The following TWSG1 variants were observed in gnomAD, a reference collection of about 807,000 sequenced individuals.
The protein encoded by TWSG1 is twisted gastrulation protein homolog 1.
Under a neutral mutation model 23.0 loss-of-function variants are expected in TWSG1, and 15 were observed. The observed-to-expected ratio is 0.65, with a 90% CI of 0.44 to 1.00. The LOEUF is 1.00. TWSG1 is among the 50% of genes least tolerant of loss of function. The pLI is 0.00. For missense variants in TWSG1, 242 were observed against 278.7 expected (o/e 0.87, Z 0.94); for synonymous variants, 86 against 92.8 (o/e 0.93, Z 0.42).
intron 3 of TWSG1, among the ~76,000 whole-genome samples, chr18:9,365,405 T>G (rs529235533): frequency 1.3e-5 from 2 of 152,324 alleles, no homozygotes. Context: ...CTGAGCGCAG[T>G]TGCTCGTGCC....
chr18:9,384,592 T>C (rs1180287850), intron 3 of TWSG1, among the ~76,000 whole-genome samples: 1 of 151,726 alleles, frequency 6.6e-6, no homozygotes, highest in East Asian at 1.9e-4. Context: ...ACAATTGTAA[T>C]TTGAGTCTGC....
intron 3 of TWSG1, among the ~76,000 whole-genome samples, chr18:9,367,567 C>A (rs2040585796): frequency 6.6e-6 from 1 of 152,174 alleles, no homozygotes; most frequent in South Asian, 2.1e-4. Context: ...AGGAACCGGG[C>A]CACATAGAAG....
In TWSG1 at chr18:9,402,349, CAT is replaced by C. The variant is rs879332464; in HGVS notation, c.*2826_*2827del. The stretch of plus-strand genomic sequence containing the variant: ...TTATTGTATTTTATATGATCTACAA[CAT>C]ATAAAATTGTGTATTTTTCTTTGGT... On this transcript the variant is annotated 3_prime_UTR_variant, in exon 5 of 5. Coordinates refer to ENST00000262120, the MANE Select transcript of TWSG1 (RefSeq NM_020648.6). 6.6e-6 allele frequency: 1 copy of C among 152,022 alleles called. No individual in the cohort carries two copies. The highest frequency in any genetic ancestry group is 1.5e-5 in the Non-Finnish European group (1 of 67,998). 9.4% of individuals were successfully genotyped at this position (152,022 alleles called of 1,614,324 possible). A position where few individuals can be genotyped will look rare whatever the true frequency, so the allele number is the denominator to read the frequency against.
At chr18:9,351,249 A>C (rs139016959) in intron 2 of TWSG1, among the ~76,000 whole-genome samples, 4 of 152,190 alleles carry the variant, frequency 2.6e-5, no homozygotes, top group African/African-American at 9.6e-5. Flanking sequence ...TCTACCCCCA[A>C]ATTCAGAAAA....
chr18:9,383,184 T>G (rs1030566755), intron 3 of TWSG1, among the ~76,000 whole-genome samples: 33 of 67,796 alleles, frequency 4.9e-4, no homozygotes, highest in Admixed American at 3.1e-3. Context: ...GAATTACACG[T>G]TTTTTTTTTG....
chr18:9,360,827 A>G lies in TWSG1; in HGVS notation c.223+756A>G, dbSNP rs1390073646. Among the ~76,000 whole-genome samples, 7 of 152,136 alleles carry G rather than the reference A, an allele frequency of 4.6e-5. 1 individual carries two copies. On this transcript the variant is annotated intron_variant, in intron 3 of 4. Coordinates refer to ENST00000262120, the MANE Select transcript of TWSG1 (RefSeq NM_020648.6). Reference sequence around the variant, plus strand: ...CATCTCAGTTCTTTCCAAGCCTTTGATCCTATGCCCAGAGACTACCACTTT... The same window carrying G: ...CATCTCAGTTCTTTCCAAGCCTTTGGTCCTATGCCCAGAGACTACCACTTT...
At chr18:9,363,509 A>G (rs1449278179) in intron 3 of TWSG1, among the ~76,000 whole-genome samples, 2 of 152,238 alleles carry the variant, frequency 1.3e-5, no homozygotes, top group East Asian at 3.8e-4. Flanking sequence ...ATTACAAAGT[A>G]AATCATTTCA....
chr18:9,366,481 C>G (rs191880383), intron 3 of TWSG1, among the ~76,000 whole-genome samples: 55 of 152,332 alleles, frequency 3.6e-4, no homozygotes, highest in Non-Finnish European at 6.2e-4. Context: ...TTCCTTAATC[C>G]TGCTCTTTGT....
chr18:9,393,848 A>G (rs990055746), intron 3 of TWSG1, among the ~76,000 whole-genome samples: 9 of 152,226 alleles, frequency 5.9e-5, no homozygotes, highest in African/African-American at 1.9e-4. Context: ...GGCATGAGCT[A>G]TGATGTCTGA....
At chr18:9,395,859 G>C (rs776995477) in intron 3 of TWSG1, among the ~76,000 whole-genome samples, 1 of 152,240 alleles carries the variant, frequency 6.6e-6, no homozygotes, top group Non-Finnish European at 1.5e-5. Context: ...GAGCCACTGC[G>C]CTCAGCTTAT....
At chr18:9,371,518 A>G (rs917108444) in intron 3 of TWSG1, among the ~76,000 whole-genome samples, 1 of 152,046 alleles carries the variant, frequency 6.6e-6, no homozygotes, top group African/African-American at 2.4e-5. Flanking sequence ...GCTGGTCTCA[A>G]ACTCCTGACC....
At chr18:9,354,787 G>C (rs2040517311) in intron 2 of TWSG1, among the ~76,000 whole-genome samples, 2 of 152,098 alleles carry the variant, frequency 1.3e-5, no homozygotes. Flanking sequence ...TTTACCAAAG[G>C]GGGAGGAATT....
intron 2 of TWSG1, among the ~76,000 whole-genome samples, chr18:9,339,775 C>G (rs1197967893): frequency 6.6e-6 from 1 of 151,774 alleles, no homozygotes; most frequent in Non-Finnish European, 1.5e-5. Context: ...TGCACTCCCA[C>G]CTGGGCGACA....
chr18:9,344,484 T>C (rs549181151), intron 2 of TWSG1, among the ~76,000 whole-genome samples: 1 of 123,628 alleles, frequency 8.1e-6, no homozygotes, highest in South Asian at 2.9e-4. Context: ...ATGTGCTTAG[T>C]GAATGCATGT....
At chr18:9,347,295 T>A (rs1030417398) in intron 2 of TWSG1, among the ~76,000 whole-genome samples, 1 of 152,212 alleles carries the variant, frequency 6.6e-6, no homozygotes, top group African/African-American at 2.4e-5. Context: ...TTGGAGAGTA[T>A]TTTTTGCAGA....
chr18:9,346,671 G>GGA lies in TWSG1; in HGVS notation c.123+9321_123+9322dup, dbSNP rs2040478805. 5.3e-5 allele frequency among the ~76,000 whole-genome samples: 8 copies of GGA among 152,296 alleles called. No homozygotes were observed. In the South Asian group the frequency reaches 1.7e-3, roughly 32 times the overall value. ...CCTAGCTAACTGGGAGGCCACAGTA[G>GGA]GAGGATGGCTGAGCCCATGAGTTCA... On this transcript the variant is annotated intron_variant, in intron 2 of 4. Coordinates refer to ENST00000262120, the MANE Select transcript of TWSG1 (RefSeq NM_020648.6).
intron 3 of TWSG1, among the ~76,000 whole-genome samples, chr18:9,377,549 G>A (rs1014155545): frequency 6.6e-6 from 1 of 151,728 alleles, no homozygotes; most frequent in Non-Finnish European, 1.5e-5. Flanking sequence ...AACGGTGCTG[G>A]AACAACTGGC....
At chr18:9,390,931 T>C (rs1190725720) in intron 3 of TWSG1, among the ~76,000 whole-genome samples, 1 of 152,200 alleles carries the variant, frequency 6.6e-6, no homozygotes, top group African/African-American at 2.4e-5. Context: ...GAGGATCCAC[T>C]TGAATCCAAG....
intron 3 of TWSG1, among the ~76,000 whole-genome samples, chr18:9,380,062 TG>T (rs747401574): frequency 4.5e-4 from 68 of 152,230 alleles, no homozygotes; most frequent in Non-Finnish European, 8.1e-4. Context: ...TAGAGAATTT[TG>T]TCTAGGAAAA....
Sources: allele counts gnomAD v4.1 joint callset (sites outside exome capture counted in the v4.1 genomes callset), GRCh38; gene constraint gnomAD v4.1.1; transcripts MANE v1.5; gene names NCBI Gene and HGNC (gene_info 2026-07-23, HGNC 2026-07-21).